Variants in TNKS observed in about 807,000 individuals in gnomAD.
TNKS encodes tankyrase.
TNKS carries 72 observed loss-of-function variants against 135.8 expected under a neutral mutation model. That is an observed-to-expected ratio of 0.53 (90% CI 0.44 to 0.64). The LOEUF (loss-of-function observed/expected upper bound fraction) is 0.64, where lower values mean the gene tolerates loss of function less well. TNKS is among the 30% of genes least tolerant of loss of function. The pLI is 0.00. For synonymous variants in TNKS, 849 were observed against 649.3 expected (o/e 1.31, Z -4.68); for missense variants, 1,769 against 1,674.0 (o/e 1.06, Z -0.99).
At chr8:9,609,840 T>C (rs1033537633) in intron 2 of TNKS, among the ~76,000 whole-genome samples, 1 of 152,148 alleles carries the variant, frequency 6.6e-6, no homozygotes, top group Non-Finnish European at 1.5e-5. Context: ...ATAGCACTGG[T>C]TACTTGAATT....
At chr8:9,679,085 T>C (rs914009295) in intron 3 of TNKS, among the ~76,000 whole-genome samples, 2 of 152,228 alleles carry the variant, frequency 1.3e-5, no homozygotes, top group African/African-American at 4.8e-5. Flanking sequence ...GGATGGTTTT[T>C]AATTATATTT....
intron 2 of TNKS, among the ~76,000 whole-genome samples, chr8:9,598,751 G>GTA (rs1181273309): frequency 1.1e-5 from 1 of 93,510 alleles, no homozygotes; most frequent in African/African-American, 4.0e-5. Context: ...GTGTATATAT[G>GTA]TATATGTGTG....
chr8:9,761,356 T>C (rs1807138493), intron 20 of TNKS, among the ~76,000 whole-genome samples, 160 bp from the exon 21 acceptor site: 1 of 152,168 alleles, frequency 6.6e-6, no homozygotes, highest in African/African-American at 2.4e-5. Context: ...GATGAGACTA[T>C]CAAGACAACT....
intron 21 of TNKS, 101 bp downstream of exon 21, chr8:9,761,737 C>T (rs527377464): frequency 1.6e-6 from 2 of 1,237,952 alleles, no homozygotes; most frequent in East Asian, 2.6e-5. Flanking sequence ...CAGAACCATA[C>T]ACTGAACTAT....
chr8:9,566,470 A>G (rs1161349691), intron 1 of TNKS: 1 of 152,028 alleles, frequency 6.6e-6, no homozygotes, highest in Non-Finnish European at 1.5e-5. Flanking sequence ...TAATTCAATG[A>G]ATTGCTTGTT....
intron 3 of TNKS, among the ~76,000 whole-genome samples, chr8:9,657,441 C>G (rs1801442474): frequency 2.0e-5 from 2 of 99,652 alleles, no homozygotes; most frequent in African/African-American, 7.5e-5. Flanking sequence ...CCCCCCACCT[C>G]CCTCCCGGAC....
Position 9,770,324 on chromosome 8 carries a change from C to A in TNKS, c.3897+62C>A, listed in dbSNP as rs796719033. 4 of 1,506,106 alleles carry A rather than the reference C, an allele frequency of 2.7e-6. No homozygotes were observed. The East Asian group carries it at 7.1e-5, about 27-fold the overall frequency. 93.3% of individuals were successfully genotyped at this position (1,506,106 alleles called of 1,614,324 possible). On this transcript the variant is annotated intron_variant, in intron 26 of 26. Transcript: ENST00000310430. ...AAACATGTCAATAGAGCACAGAGAC[C>A]GTGTAAGACTTGAGACACTTTTCAG...
chr8:9,743,980 A>G (rs1277128692), intron 17 of TNKS, among the ~76,000 whole-genome samples: 2 of 152,230 alleles, frequency 1.3e-5, no homozygotes, highest in East Asian at 3.8e-4. Context: ...TTATGTAGTT[A>G]TTTATTGATC....
At chr8:9,772,803 GTGTGTTTGTGTGTGTGTGTGTGTGTGTC>G (rs1170178298) in intron 26 of TNKS, among the ~76,000 whole-genome samples, 24 of 105,568 alleles carry the variant, frequency 2.3e-4, no homozygotes, top group African/African-American at 8.1e-4. Context: ...ATGTGTGTGT[GTGTGTTTGTGTGTGTGTGTGTGTGTGTC>G]TGTGTGTGTG....
intron 1 of TNKS, among the ~76,000 whole-genome samples, chr8:9,577,370 A>G (rs980725364): frequency 7.9e-5 from 12 of 152,040 alleles, no homozygotes; most frequent in Admixed American, 7.2e-4. Flanking sequence ...CCGTTCTTGC[A>G]TTGCTATAAA....
chr8:9,778,441 T>G lies in TNKS; in HGVS notation c.*1705T>G, dbSNP rs1474685450. 1 of 152,648 alleles carries G rather than the reference T, an allele frequency of 6.6e-6. No homozygotes were observed. The highest frequency in any genetic ancestry group is 2.4e-5 in the African/African-American group (1 of 41,454). The allele number at this position is 152,648 out of a possible 1,614,324, so 9.5% of individuals were successfully genotyped here. On this transcript the variant is annotated 3_prime_UTR_variant, in exon 27 of 27. Transcript: ENST00000310430. ...CTTCTAGAAATAGACTCTTAAAATA[T>G]ATACATTTTGCTTTGATTTTGGCTT...
chr8:9,749,951 C>G, intron 18 of TNKS, among the ~76,000 whole-genome samples: 1 of 152,152 alleles, frequency 6.6e-6, no homozygotes, highest in South Asian at 2.1e-4. Flanking sequence ...CAAACTAGTA[C>G]AACTCTTCCT....
intron 3 of TNKS, among the ~76,000 whole-genome samples, chr8:9,660,017 C>A (rs973904846): frequency 6.6e-6 from 1 of 152,184 alleles, no homozygotes; most frequent in Non-Finnish European, 1.5e-5. Flanking sequence ...GACACATACA[C>A]CCTCCCAAGA....
intron 16 of TNKS, 22 bp from the exon 17 acceptor site, chr8:9,735,355 G>C: frequency 1.2e-6 from 2 of 1,600,700 alleles, no homozygotes; most frequent in South Asian, 1.1e-5. Flanking sequence ...CACGTTTCCT[G>C]TATTTTTTTT....
At chr8:9,560,686 C>T (rs1797293174) in intron 1 of TNKS, among the ~76,000 whole-genome samples, 1 of 151,566 alleles carries the variant, frequency 6.6e-6, no homozygotes, top group Non-Finnish European at 1.5e-5. Flanking sequence ...CTTTATATTA[C>T]TTGTAAGCAA....
intron 5 of TNKS, among the ~76,000 whole-genome samples, chr8:9,682,205 A>C (rs184995877): frequency 2.6e-5 from 4 of 152,220 alleles, no homozygotes; most frequent in Admixed American, 2.6e-4. Context: ...GGTTAAATGC[A>C]GCTGTTTTTT....
chr8:9,695,049 A>AT (rs2128803296), intron 5 of TNKS, among the ~76,000 whole-genome samples: 1 of 152,296 alleles, frequency 6.6e-6, no homozygotes, highest in African/African-American at 2.4e-5. Flanking sequence ...AACAACATAT[A>AT]TTTTATATTA....
At chr8:9,775,083 GT>G (rs1808146187) in intron 26 of TNKS, among the ~76,000 whole-genome samples, 1 of 152,048 alleles carries the variant, frequency 6.6e-6, no homozygotes, top group Admixed American at 6.6e-5. Context: ...GTGATAAATA[GT>G]TTTCTTGACC....
chr8:9,587,365 C>G (rs1400854584), intron 2 of TNKS, among the ~76,000 whole-genome samples: 1 of 151,130 alleles, frequency 6.6e-6, no homozygotes, highest in Non-Finnish European at 1.5e-5. Context: ...ATGAAAGTCA[C>G]CAGTAAGGAA....
Sources: gnomAD v4.1 joint callset for allele counts (sites outside exome capture counted in the v4.1 genomes callset) on GRCh38, gnomAD v4.1.1 for gene constraint, MANE v1.5 for transcripts, NCBI Gene and HGNC (gene_info 2026-07-23, HGNC 2026-07-21) for gene names.